The following CLCN3 variants were observed in gnomAD, a reference collection of about 807,000 sequenced individuals.
CLCN3 encodes H(+)/Cl(-) exchange transporter 3.
A neutral mutation model predicts 83.4 loss-of-function variants in CLCN3; 16 were observed. That is an observed-to-expected ratio of 0.19 (90% CI 0.13 to 0.29). The LOEUF is 0.29. CLCN3 is among the 10% of genes least tolerant of loss of function. The pLI is 1.00. For missense variants in CLCN3, 544 were observed against 1,006.0 expected, an observed-to-expected ratio of 0.54 and a Z score of 6.21; for synonymous variants, 322 against 346.2, an observed-to-expected ratio of 0.93 and a Z score of 0.78.
Position 169,659,534 on chromosome 4 carries a change from A to G in CLCN3, c.161-20516A>G, listed in dbSNP as rs538285988. 5.9e-5 allele frequency among the ~76,000 whole-genome samples: 9 copies of G among 152,310 alleles called. No individual in the cohort carries two copies. The South Asian group carries it at 1.9e-3, about 32-fold the overall frequency. ...TTTGCGTAGTTTAGACACATACAATAGTAAAGTTACTTAGTACGTTGATAG... is the reference window on the plus strand; with the variant it reads ...TTTGCGTAGTTTAGACACATACAATGGTAAAGTTACTTAGTACGTTGATAG... On this transcript the variant is annotated intron_variant, in intron 2 of 12. Transcript: ENST00000513761.
At position 169,642,397 on chromosome 4, in the gene CLCN3, C is replaced by T. The variant is rs137892558; in HGVS notation, c.160+6309C>T. On this transcript the variant is annotated intron_variant, in intron 2 of 12. Coordinates refer to ENST00000513761, the MANE Select transcript of CLCN3 (RefSeq NM_001829.4). ...TATTACTAATATTAAGATAAATCTCCGGTGACATTATGAAGTGTTTACTAG... is the reference window on the plus strand; with the variant it reads ...TATTACTAATATTAAGATAAATCTCTGGTGACATTATGAAGTGTTTACTAG... 3.0e-3 allele frequency among the ~76,000 whole-genome samples: 455 copies of T among 152,254 alleles called. 2 individuals are homozygous for T. The highest frequency in any genetic ancestry group is 3.9e-3 in the Admixed American group (59 of 15,294).
intron 9 of CLCN3, among the ~76,000 whole-genome samples, chr4:169,698,057 G>GGCTA (rs1186801988): frequency 1.3e-5 from 2 of 152,102 alleles, no homozygotes; most frequent in South Asian, 4.1e-4. Context: ...ACATGGCGAG[G>GGCTA]GCTAATCATC....
At chr4:169,691,236 T>C (rs1410658030) in intron 6 of CLCN3, among the ~76,000 whole-genome samples, 4 of 152,056 alleles carry the variant, frequency 2.6e-5, no homozygotes, top group African/African-American at 9.7e-5. Context: ...CAGGCTGGTC[T>C]CAAACTCCTA....
intron 2 of CLCN3, among the ~76,000 whole-genome samples, chr4:169,665,579 C>A (rs1342468196): frequency 2.7e-5 from 4 of 148,964 alleles, no homozygotes; most frequent in Admixed American, 2.0e-4. Context: ...ATGGCCATTT[C>A]TTATCAGTAG....
At chr4:169,686,616 T>G (rs888346663) in intron 3 of CLCN3, among the ~76,000 whole-genome samples, 1 of 152,062 alleles carries the variant, frequency 6.6e-6, no homozygotes, top group Non-Finnish European at 1.5e-5. Context: ...GGGGTTTCAC[T>G]GTGTTGGCCA....
intron 3 of CLCN3, among the ~76,000 whole-genome samples, chr4:169,685,771 G>T (rs1385266976): frequency 6.6e-6 from 1 of 150,544 alleles, no homozygotes; most frequent in African/African-American, 2.5e-5. Flanking sequence ...CCTGAAAACG[G>T]CTTAATATTA....
At chr4:169,676,445 A>C (rs1305256940) in intron 2 of CLCN3, among the ~76,000 whole-genome samples, 1 of 151,862 alleles carries the variant, frequency 6.6e-6, no homozygotes, top group African/African-American at 2.4e-5. Flanking sequence ...CAGGTCTAAT[A>C]ATTTTCACTT....
intron 1 of CLCN3, among the ~76,000 whole-genome samples, chr4:169,634,113 C>T (rs116266018): frequency 0.011 from 1,729 of 152,098 alleles, 32 homozygotes; most frequent in African/African-American, 0.04. Flanking sequence ...ATTTTTTTAA[C>T]GGAAATAGTT....
At chr4:169,704,209 T>A in intron 10 of CLCN3, 25 bp downstream of exon 10, 3 of 1,593,072 alleles carry the variant, frequency 1.9e-6, no homozygotes, top group Non-Finnish European at 2.6e-6. Context: ...TCTGCCTGTG[T>A]GTGGATGTTT....
chr4:169,712,054 G>A (rs940722198), intron 11 of CLCN3, among the ~76,000 whole-genome samples: 3 of 138,838 alleles, frequency 2.2e-5, no homozygotes, highest in African/African-American at 8.2e-5. Flanking sequence ...GTAGAAGCAA[G>A]GTTTCCCTAT....
chr4:169,707,894 ATAAAT>A (rs762933383), intron 11 of CLCN3, among the ~76,000 whole-genome samples: 11 of 152,154 alleles, frequency 7.2e-5, no homozygotes, highest in Non-Finnish European at 1.6e-4. Context: ...TTTCTTGGAG[ATAAAT>A]TAAACTTTCT....
intron 2 of CLCN3, among the ~76,000 whole-genome samples, chr4:169,644,667 G>A (rs1730521745): frequency 6.6e-6 from 1 of 152,172 alleles, no homozygotes. Flanking sequence ...GACAAAGAAT[G>A]TTATGGTCTG....
chr4:169,719,771 A>C, intron 12 of CLCN3, 136 bp from the exon 13 acceptor site: 1 of 620,552 alleles, frequency 1.6e-6, no homozygotes, highest in Non-Finnish European at 2.8e-6. Flanking sequence ...TTACCAATAA[A>C]GTACTTTTTG....
chr4:169,700,434 T>G (rs1732734959), intron 9 of CLCN3, among the ~76,000 whole-genome samples: 1 of 152,058 alleles, frequency 6.6e-6, no homozygotes, highest in South Asian at 2.1e-4. Context: ...ATTTTTGTGT[T>G]TTTAGTAGAG....
At chr4:169,710,010 T>C (rs1348359599) in intron 11 of CLCN3, among the ~76,000 whole-genome samples, 1 of 152,034 alleles carries the variant, frequency 6.6e-6, no homozygotes. Flanking sequence ...TGCAGGAGGA[T>C]CCCTGGGACT....
chr4:169,686,555 T>TA (rs201432732), intron 3 of CLCN3, among the ~76,000 whole-genome samples: 3,787 of 150,738 alleles, frequency 0.025, 91 homozygotes, highest in Admixed American at 0.082. Context: ...TAGCTGGGAT[T>TA]ACAGGCGTTC....
At chr4:169,717,750 T>C in intron 12 of CLCN3, 1 of 1,306,198 alleles carries the variant, frequency 7.7e-7, no homozygotes, top group Non-Finnish European at 1.1e-6. Flanking sequence ...ACTCTTTTAA[T>C]TTAATTTCTC....
chr4:169,644,459 C>G (rs1730514653), intron 2 of CLCN3, among the ~76,000 whole-genome samples: 3 of 152,136 alleles, frequency 2.0e-5, no homozygotes, highest in Middle Eastern at 3.4e-3. Flanking sequence ...CCAGGCTAGT[C>G]TTGAACTCCT....
chr4:169,690,547 C>G lies in CLCN3; in HGVS notation c.624C>G (p.Ile208Met). ...CTTTTTAGGGTCCTGGTTCTTATAT[C>G]ATGAACTACATAATGTACATCTTCT... ...IGQAEGPGSY[I>M]MNYIMYIFWA... is the part of the protein sequence containing the mutation. The change falls in exon 6 of 13, where the codon ATC becomes ATG. Residue 208 changes from isoleucine to methionine, a missense_variant. Ile to Met is a conservative substitution (Grantham distance 10). Coordinates refer to ENST00000513761, the MANE Select transcript of CLCN3 (RefSeq NM_001829.4). 4 of 1,612,228 alleles carry G rather than the reference C, an allele frequency of 2.5e-6. No individual in the cohort carries two copies. Among genetic ancestry groups the G allele is most frequent in the Non-Finnish European group, 3.4e-6 (4 of 1,179,286 alleles).
Sources: allele counts gnomAD v4.1 joint callset (sites outside exome capture counted in the v4.1 genomes callset), GRCh38; gene constraint gnomAD v4.1.1; transcripts MANE v1.5; gene names NCBI Gene and HGNC (gene_info 2026-07-23, HGNC 2026-07-21).